The following SGCZ variants were observed in gnomAD, a reference collection of about 807,000 sequenced individuals.
SGCZ encodes zeta-sarcoglycan.
Under a neutral mutation model 41.3 loss-of-function variants are expected in SGCZ, and 40 were observed. The ratio of observed to expected loss-of-function variants is 0.97; its 90% confidence interval spans 0.75 to 1.26. The LOEUF is 1.26. Ranked by LOEUF, SGCZ falls within the 50% of genes most tolerant of loss-of-function variation. The pLI is 0.00. For missense variants in SGCZ, 552 were observed against 369.8 expected (o/e 1.49, Z -4.04); for synonymous variants, 206 against 137.5 (o/e 1.50, Z -3.49).
chr8:14,315,041 A>G (rs1801667838), intron 3 of SGCZ, among the ~76,000 whole-genome samples: 2 of 152,160 alleles, frequency 1.3e-5, no homozygotes, highest in African/African-American at 4.8e-5. Context: ...TAATTAAAAG[A>G]GTCTGTTTAC....
At chr8:14,483,240 G>A (rs1197801256) in intron 2 of SGCZ, among the ~76,000 whole-genome samples, 2 of 152,024 alleles carry the variant, frequency 1.3e-5, no homozygotes, top group Admixed American at 6.6e-5. Context: ...TTTTAAGTAC[G>A]CGTGACAATC....
rs145572322 is a variant in SGCZ, at chr8:15,170,268, G to C, written c.39+67317C>G. 8.8e-4 allele frequency among the ~76,000 whole-genome samples: 134 copies of C among 152,206 alleles called. 1 individual carries two copies. The highest frequency in any genetic ancestry group is 3.1e-3 in the African/African-American group (130 of 41,522). On this transcript the variant is annotated intron_variant, in intron 1 of 7. Transcript: ENST00000382080. The stretch of plus-strand genomic sequence containing the variant: ...TTTCATACATGACTTGTCTCTTCCT[G>C]CTCAAGGACACATTTGATCTACAGC...
chr8:14,890,674 C>T (rs1203870387), intron 1 of SGCZ, among the ~76,000 whole-genome samples: 1 of 152,198 alleles, frequency 6.6e-6, no homozygotes, highest in Non-Finnish European at 1.5e-5. Context: ...ATGAAAGTGG[C>T]TATTTTTATT....
intron 1 of SGCZ, among the ~76,000 whole-genome samples, chr8:14,819,277 G>A (rs542586234): frequency 6.6e-6 from 1 of 152,268 alleles, no homozygotes; most frequent in Admixed American, 6.5e-5. Context: ...ATGAAGAGCT[G>A]AGAATTCTCT....
intron 1 of SGCZ, among the ~76,000 whole-genome samples, chr8:14,715,566 G>T (rs1203588708): frequency 7.2e-6 from 1 of 138,110 alleles, no homozygotes; most frequent in African/African-American, 3.2e-5. Context: ...ACACAAACAT[G>T]CACACATAAA....
chr8:14,248,431 T>C (rs546298545), intron 3 of SGCZ, among the ~76,000 whole-genome samples: 7 of 152,290 alleles, frequency 4.6e-5, no homozygotes, highest in South Asian at 2.1e-4. Context: ...ACACAGTTCA[T>C]GTTATATGAG....
intron 1 of SGCZ, among the ~76,000 whole-genome samples, chr8:14,588,327 C>A (rs568822353): frequency 6.6e-6 from 1 of 151,694 alleles, no homozygotes; most frequent in Non-Finnish European, 1.5e-5. Context: ...AAAGTAATGA[C>A]CAGCACAATC....
chr8:14,925,229 A>G (rs750402587), intron 1 of SGCZ, among the ~76,000 whole-genome samples: 1 of 152,144 alleles, frequency 6.6e-6, no homozygotes. Flanking sequence ...GTATACCACA[A>G]ACTGTCTTAA....
At chr8:14,221,552 G>A (rs186311231) in intron 4 of SGCZ, among the ~76,000 whole-genome samples, 1 of 152,220 alleles carries the variant, frequency 6.6e-6, no homozygotes, top group East Asian at 1.9e-4. Context: ...GACATAACAG[G>A]CATCCTGCTT....
intron 4 of SGCZ, among the ~76,000 whole-genome samples, chr8:14,219,725 G>A (rs985406226): frequency 1.2e-4 from 18 of 149,234 alleles, no homozygotes; most frequent in African/African-American, 4.2e-4. Flanking sequence ...CCAGCCTGGC[G>A]ACAGAGTGAG....
chr8:14,251,973 G>A (rs1433613938), intron 3 of SGCZ, among the ~76,000 whole-genome samples: 4 of 152,062 alleles, frequency 2.6e-5, no homozygotes, highest in African/African-American at 9.7e-5. Context: ...ACCTCCCAAA[G>A]TGTTGGGATT....
chr8:14,424,410 T>G (rs1223757585), intron 2 of SGCZ, among the ~76,000 whole-genome samples: 5 of 152,220 alleles, frequency 3.3e-5, no homozygotes, highest in Admixed American at 1.3e-4. Flanking sequence ...GTCTTCCATC[T>G]ATGTGCTAAT....
chr8:14,325,747 C>CATATATATATATAT (rs370021799), intron 2 of SGCZ, among the ~76,000 whole-genome samples: 2 of 69,458 alleles, frequency 2.9e-5, no homozygotes, highest in African/African-American at 8.9e-5. Flanking sequence ...CACACACACA[C>CATATATATATATAT]ATATATATAT....
intron 1 of SGCZ, among the ~76,000 whole-genome samples, chr8:14,577,590 A>T (rs938330878): frequency 7.2e-5 from 11 of 151,944 alleles, no homozygotes; most frequent in Admixed American, 2.6e-4. Flanking sequence ...GTTTCACCAT[A>T]TTGGCCAGGC....
chr8:14,527,001 T>A (rs1802969466), intron 2 of SGCZ, among the ~76,000 whole-genome samples: 1 of 152,138 alleles, frequency 6.6e-6, no homozygotes, highest in East Asian at 1.9e-4. Context: ...ATATTTAATA[T>A]TGAGTCGCTT....
chr8:14,387,915 A>G (rs1179336120), intron 2 of SGCZ, among the ~76,000 whole-genome samples: 1 of 152,106 alleles, frequency 6.6e-6, no homozygotes, highest in Non-Finnish European at 1.5e-5. Flanking sequence ...AGGATAGAAG[A>G]GAGAGAAGTG....
intron 1 of SGCZ, among the ~76,000 whole-genome samples, chr8:14,558,739 C>G (rs1804115695): frequency 6.6e-6 from 1 of 151,948 alleles, no homozygotes; most frequent in Non-Finnish European, 1.5e-5. Context: ...AAATCCTTAA[C>G]AAAATACTAG....
At chr8:14,152,642 C>A (rs1264901876) in intron 5 of SGCZ, among the ~76,000 whole-genome samples, 1 of 152,124 alleles carries the variant, frequency 6.6e-6, no homozygotes, top group East Asian at 1.9e-4. Flanking sequence ...ACAAAACTTG[C>A]ATCCACCATA....
intron 1 of SGCZ, among the ~76,000 whole-genome samples, chr8:14,715,485 AC>A (rs1296388830): frequency 1.3e-5 from 2 of 151,978 alleles, no homozygotes; most frequent in Non-Finnish European, 2.9e-5. Context: ...TCAACCTGTA[AC>A]AAAAAACTAG....
Sources: allele counts gnomAD v4.1 joint callset (sites outside exome capture counted in the v4.1 genomes callset), GRCh38; gene constraint gnomAD v4.1.1; transcripts MANE v1.5; gene names NCBI Gene and HGNC (gene_info 2026-07-23, HGNC 2026-07-21).